Variants in CDH23 observed in about 807,000 individuals in gnomAD.
The protein encoded by CDH23 is cadherin related 23.
CDH23 carries 189 observed loss-of-function variants against 317.1 expected under a neutral mutation model. The ratio of observed to expected loss-of-function variants is 0.60; its 90% CI spans 0.53 to 0.67. The LOEUF (loss-of-function observed/expected upper bound fraction) is 0.67. CDH23 is among the 30% of genes least tolerant of loss of function. The probability of loss-of-function intolerance (pLI) is 0.00; values close to 1 mark genes in which losing one functional copy is unlikely to be tolerated. For synonymous variants in CDH23, 1,839 were observed against 1,876.8 expected, an observed-to-expected ratio of 0.98 and a Z score of 0.52; for missense variants, 4,401 against 4,592.4, an observed-to-expected ratio of 0.96 and a Z score of 1.20.
At chr10:71,729,387 C>T (rs1190601115) in intron 30 of CDH23, among the ~76,000 whole-genome samples, 1 of 152,212 alleles carries the variant, frequency 6.6e-6, no homozygotes, top group African/African-American at 2.4e-5. Context: ...AGCAAAGTGT[C>T]ATGGAGGGAG....
chr10:71,791,559 C>T (rs1303551323), intron 47 of CDH23, among the ~76,000 whole-genome samples: 2 of 151,686 alleles, frequency 1.3e-5, no homozygotes, highest in Non-Finnish European at 2.9e-5. Context: ...TTTTTCCTTT[C>T]TTTCTTTTTC....
chr10:71,814,467 G>A (rs1020144636), intron 69 of CDH23, among the ~76,000 whole-genome samples: 1 of 152,216 alleles, frequency 6.6e-6, no homozygotes, highest in Non-Finnish European at 1.5e-5. Flanking sequence ...CCAGCACTTT[G>A]GGAGGCTGAG....
chr10:71,616,568 C>T (rs574521320), intron 10 of CDH23, among the ~76,000 whole-genome samples: 71 of 152,342 alleles, frequency 4.7e-4, no homozygotes, highest in African/African-American at 1.6e-3. Flanking sequence ...AGGGTGTGTT[C>T]TCACACTTGG....
chr10:71,793,570 T>C lies in CDH23; in HGVS notation c.6642T>C (p.Ile2214=), dbSNP rs1445513362. Residue 2214 remains isoleucine, a synonymous_variant, in exon 48 of 70, where the codon ATT becomes ATC. Coordinates refer to ENST00000224721, the MANE Select transcript of CDH23 (RefSeq NM_022124.6). The stretch of plus-strand genomic sequence containing the variant: ...AGCTAGAGTACCACATTGTCGGCAT[T>C]GTGGCCAAGGACGACACTGATCGCC... ...NPKLEYHIVG[I]VAKDDTDRLV... 5.0e-6 allele frequency: 8 copies of C among 1,612,838 alleles called. No individual in the cohort carries two copies. Among genetic ancestry groups the C allele is most frequent in the Non-Finnish European group, 6.8e-6 (8 of 1,179,284 alleles).
Position 71,759,829 on chromosome 10 carries a change from A to ACACACACACACACACG in CDH23, c.4846-17836_4846-17835insGCACACACACACACAC, listed in dbSNP as rs1564779061. ...CGTGTTTCAGAAAATATACACACAC[A>ACACACACACACACACG]CACACACACACACACACATATACAC... On this transcript the variant is annotated intron_variant, in intron 38 of 69. Coordinates refer to ENST00000224721, the MANE Select transcript of CDH23 (RefSeq NM_022124.6). Among the ~76,000 whole-genome samples, 4 of 66,158 alleles carry ACACACACACACACACG rather than the reference A, an allele frequency of 6.0e-5. 2 individuals carry two copies. Among genetic ancestry groups the ACACACACACACACACG allele is most frequent in the African/African-American group, 1.7e-4 (4 of 23,290 alleles). 43.4% of individuals were successfully genotyped at this position (66,158 alleles called of 152,430 possible).
intron 44 of CDH23, among the ~76,000 whole-genome samples, chr10:71,786,362 G>A (rs1360415050): frequency 6.6e-6 from 1 of 152,126 alleles, no homozygotes; most frequent in Admixed American, 6.5e-5. Context: ...CTAGCTGTGT[G>A]GCTCAGCCAA....
At chr10:71,640,226 C>T (rs1862471574) in intron 11 of CDH23, among the ~76,000 whole-genome samples, 1 of 152,222 alleles carries the variant, frequency 6.6e-6, no homozygotes, top group South Asian at 2.1e-4. Context: ...ACTGAGCTCA[C>T]ACCATCTTTT....
intron 7 of CDH23, 31 bp from the exon 8 acceptor site, chr10:71,570,759 C>A (rs142846689): frequency 3.3e-4 from 526 of 1,579,622 alleles, no homozygotes; most frequent in Non-Finnish European, 4.3e-4. Context: ...ATCACTCAAC[C>A]TAAGGCTGTG....
At chr10:71,573,177 G>A (rs747497824) in intron 8 of CDH23, among the ~76,000 whole-genome samples, 18 of 152,238 alleles carry the variant, frequency 1.2e-4, no homozygotes, top group Non-Finnish European at 2.2e-4. Context: ...ACGCTGGGCA[G>A]TGACCTGGTC....
chr10:71,778,660 G>A (rs2132928139), intron 40 of CDH23, among the ~76,000 whole-genome samples: 1 of 152,334 alleles, frequency 6.6e-6, no homozygotes, highest in East Asian at 1.9e-4. Flanking sequence ...ATCTGTGAAA[G>A]GAGGACAATA....
chr10:71,471,670 C>T (rs1851520778), intron 3 of CDH23, among the ~76,000 whole-genome samples: 1 of 151,232 alleles, frequency 6.6e-6, no homozygotes, highest in South Asian at 2.1e-4. Flanking sequence ...TTTCCCCAAA[C>T]CCTCCCTCTC....
chr10:71,680,786 T>A (rs1240966842), intron 17 of CDH23, among the ~76,000 whole-genome samples: 1 of 144,956 alleles, frequency 6.9e-6, no homozygotes, highest in Non-Finnish European at 1.5e-5. Context: ...GCATTCTCTA[T>A]GAAATCTACA....
intron 18 of CDH23, among the ~76,000 whole-genome samples, chr10:71,686,277 T>A (rs1277049527): frequency 2.0e-5 from 3 of 151,786 alleles, no homozygotes; most frequent in Non-Finnish European, 4.4e-5. Flanking sequence ...AATGTATAAG[T>A]ATATGGGGCG....
At chr10:71,677,805 A>C in intron 16 of CDH23, 112 bp downstream of exon 16, 1 of 839,244 alleles carries the variant, frequency 1.2e-6, no homozygotes. Flanking sequence ...TCACTCTTTC[A>C]CCCAGGCTGG....
intron 9 of CDH23, among the ~76,000 whole-genome samples, chr10:71,592,864 A>T (rs1859587325): frequency 1.3e-5 from 2 of 152,284 alleles, no homozygotes; most frequent in Non-Finnish European, 2.9e-5. Context: ...CTGGGCCATG[A>T]TGTCTACACT....
At chr10:71,466,477 T>C (rs564066707) in intron 3 of CDH23, among the ~76,000 whole-genome samples, 1 of 152,138 alleles carries the variant, frequency 6.6e-6, no homozygotes, top group African/African-American at 2.4e-5. Context: ...TGTGTGAGTG[T>C]GCCCCACCTC....
intron 38 of CDH23, chr10:71,750,098 A>G (rs983331174): frequency 2.0e-5 from 3 of 152,262 alleles, no homozygotes; most frequent in South Asian, 2.1e-4. Context: ...AAATCCTTCA[A>G]TCACAATTCC....
chr10:71,706,259 A>G (rs1201965063), intron 25 of CDH23, among the ~76,000 whole-genome samples: 2 of 152,158 alleles, frequency 1.3e-5, no homozygotes, highest in African/African-American at 4.8e-5. Context: ...GAGTAAACAC[A>G]TCTGTAAGGG....
chr10:71,426,027 G>T (rs1849061868), intron 1 of CDH23, among the ~76,000 whole-genome samples: 2 of 152,150 alleles, frequency 1.3e-5, no homozygotes, highest in Admixed American at 6.5e-5. Flanking sequence ...TATTGACTGG[G>T]GAGAAGGGGA....
Sources: gnomAD v4.1 joint callset for allele counts (sites outside exome capture counted in the v4.1 genomes callset) on GRCh38, gnomAD v4.1.1 for gene constraint, MANE v1.5 for transcripts, NCBI Gene and HGNC (gene_info 2026-07-23, HGNC 2026-07-21) for gene names.